The following COLEC12 variants were observed in gnomAD, a reference collection of about 807,000 sequenced individuals.
COLEC12 encodes collectin-12.
COLEC12 carries 33 observed loss-of-function variants against 71.1 expected under a neutral mutation model. That is an observed-to-expected ratio of 0.46 (90% CI 0.35 to 0.62). The LOEUF (loss-of-function observed/expected upper bound fraction) is 0.62, where lower values mean the gene tolerates loss of function less well. COLEC12 is among the 20% of genes least tolerant of loss of function. The pLI is 0.00. For missense variants in COLEC12, 765 were observed against 916.1 expected (o/e 0.84, Z 2.13); for synonymous variants, 350 against 353.0 (o/e 0.99, Z 0.10).
intron 2 of COLEC12, chr18:424,061 TAG>T (rs1275267300): frequency 6.6e-6 from 1 of 152,194 alleles, no homozygotes; most frequent in Non-Finnish European, 1.5e-5. Context: ...CAGCATCTTT[TAG>T]AGAGAGAAAA....
chr18:441,035 C>T (rs908754407), intron 2 of COLEC12, among the ~76,000 whole-genome samples: 47 of 150,730 alleles, frequency 3.1e-4, no homozygotes, highest in Admixed American at 1.5e-3. Flanking sequence ...GATCACAAGG[C>T]CAGGAGATGG....
intron 2 of COLEC12, among the ~76,000 whole-genome samples, chr18:380,814 C>T (rs150530666): frequency 6.6e-6 from 1 of 152,250 alleles, no homozygotes; most frequent in African/African-American, 2.4e-5. Flanking sequence ...CCTCAGCTTT[C>T]AACTCAGGCA....
rs1382485743 is a variant in COLEC12, at chr18:441,119, G to A, written c.58+39588C>T. ...AAAAATTGGCCAGGCGTGGTGGCGG[G>A]CGCCTGTAGTCCCAGCTGCTGGGGA... On this transcript the variant is annotated intron_variant, in intron 2 of 9. Coordinates refer to ENST00000400256, the MANE Select transcript of COLEC12 (RefSeq NM_130386.3). Among the ~76,000 whole-genome samples the A allele has an allele frequency of 5.0e-5, 3 of 60,500 alleles. 1 individual carries two copies. The highest frequency in any genetic ancestry group is 1.4e-4 in the African/African-American group (3 of 21,590). 39.7% of individuals were successfully genotyped at this position (60,500 alleles called of 152,430 possible).
intron 2 of COLEC12, among the ~76,000 whole-genome samples, chr18:438,285 G>A (rs895024423): frequency 6.6e-5 from 10 of 152,050 alleles, no homozygotes; most frequent in South Asian, 2.1e-4. Context: ...TCTTATCTTC[G>A]AAGTTGACAG....
chr18:411,676 G>A (rs910870446), intron 2 of COLEC12, among the ~76,000 whole-genome samples: 6 of 152,214 alleles, frequency 3.9e-5, no homozygotes, highest in African/African-American at 1.4e-4. Context: ...AAACCAAGAT[G>A]GGTGGATCGC....
intron 2 of COLEC12, among the ~76,000 whole-genome samples, chr18:358,500 A>G (rs1372868424): frequency 6.6e-6 from 1 of 152,196 alleles, no homozygotes; most frequent in Non-Finnish European, 1.5e-5. Context: ...GGAGCGCACA[A>G]CCTAGATCCC....
chr18:383,027 C>T (rs994769073), intron 2 of COLEC12, among the ~76,000 whole-genome samples: 31 of 152,096 alleles, frequency 2.0e-4, no homozygotes, highest in African/African-American at 7.2e-4. Flanking sequence ...GCCTGCACCT[C>T]CATGCTGTCC....
intron 2 of COLEC12, among the ~76,000 whole-genome samples, chr18:376,944 A>G (rs1915127217): frequency 6.6e-6 from 1 of 152,240 alleles, no homozygotes; most frequent in Non-Finnish European, 1.5e-5. Context: ...AATGTAAAGT[A>G]CGAGCTCTTG....
rs1425783120 is a variant in COLEC12 at position 347,019 on chromosome 18, C to T, written c.603G>A (p.Val201=). 2 of 1,614,144 alleles carry T rather than the reference C, an allele frequency of 1.2e-6. No homozygotes were observed. Among genetic ancestry groups the T allele is most frequent in the African/African-American group, 1.3e-5 (1 of 75,042 alleles). ...TCAGGTTGTTGAGGTTCATGATGAC[C>T]ACATTATGAGAATACATTTGGTTCT... ...NLQNQMYSHN[V]VIMNLNNLNL... The change falls in exon 5 of 10, where the codon GTG becomes GTA. Residue 201 remains valine (V), a synonymous_variant. Coordinates refer to ENST00000400256, the MANE Select transcript of COLEC12 (RefSeq NM_130386.3).
chr18:350,591 G>A (rs1445331185), intron 3 of COLEC12, among the ~76,000 whole-genome samples: 1 of 152,060 alleles, frequency 6.6e-6, no homozygotes, highest in Non-Finnish European at 1.5e-5. Context: ...CTAGCAGCTT[G>A]GGATCAAGTC....
At chr18:335,803 C>T (rs1220538780) in intron 5 of COLEC12, among the ~76,000 whole-genome samples, 1 of 152,178 alleles carries the variant, frequency 6.6e-6, no homozygotes, top group African/African-American at 2.4e-5. Flanking sequence ...TAAGCTCACC[C>T]TTCTTCTTCA....
rs149346230 is a variant in COLEC12, at chr18:333,336, C to T, written c.1817-193G>A. 4.9e-4 allele frequency: 245 copies of T among 502,304 alleles called. 1 individual carries two copies. Among genetic ancestry groups the T allele is most frequent in the African/African-American group, 4.5e-3 (234 of 51,462 alleles). The allele number at this position is 502,304 out of a possible 1,614,324, so 31.1% of individuals were successfully genotyped here. ...CCCAAAGTGGACTGCAGAGCACAAGCCAAAACCACATAATCTGGAAAAGAT... is the reference window on the plus strand; with the variant it reads ...CCCAAAGTGGACTGCAGAGCACAAGTCAAAACCACATAATCTGGAAAAGAT... On this transcript the variant is annotated intron_variant, in intron 6 of 9. Coordinates refer to ENST00000400256, the MANE Select transcript of COLEC12 (RefSeq NM_130386.3).
chr18:386,507 C>T (rs140826564), intron 2 of COLEC12, among the ~76,000 whole-genome samples: 2 of 152,300 alleles, frequency 1.3e-5, no homozygotes, highest in East Asian at 3.9e-4. Context: ...CAGGTGATTC[C>T]TATGTCCATT....
At chr18:320,612 T>A (rs971240916) in intron 9 of COLEC12, among the ~76,000 whole-genome samples, 1 of 152,264 alleles carries the variant, frequency 6.6e-6, no homozygotes, top group African/African-American at 2.4e-5. Flanking sequence ...ACAAATTGTA[T>A]AATTCACCCA....
chr18:486,677 C>T lies in COLEC12; in HGVS notation c.8-5920G>A, dbSNP rs116141592. ...TGAAACTGAAGCCTGTGCTAGCAGC[C>T]GGGAAAGCTAAGAGGCAATGATTGA... On this transcript the variant is annotated intron_variant, in intron 1 of 9. Transcript: ENST00000400256. Among the ~76,000 whole-genome samples, 1,180 of 152,110 alleles carry T rather than the reference C, an allele frequency of 7.8e-3. 19 individuals are homozygous for T. The highest frequency in any genetic ancestry group is 0.028 in the African/African-American group (1,143 of 41,472).
chr18:347,372 G>T (rs761860825), intron 4 of COLEC12, 31 bp from the exon 5 acceptor site: 2 of 1,573,696 alleles, frequency 1.3e-6, no homozygotes, highest in South Asian at 2.3e-5. Flanking sequence ...GACTTATATT[G>T]GTGGTATGGA....
At chr18:332,504 T>C (rs1396553334) in intron 7 of COLEC12, among the ~76,000 whole-genome samples, 5 of 152,212 alleles carry the variant, frequency 3.3e-5, no homozygotes, top group African/African-American at 1.2e-4. Context: ...ACCTATGTTC[T>C]AGGGTTGCTG....
intron 2 of COLEC12, among the ~76,000 whole-genome samples, chr18:451,502 C>A (rs972525650): frequency 2.0e-5 from 3 of 152,266 alleles, no homozygotes; most frequent in African/African-American, 7.2e-5. Flanking sequence ...AATCCCAGCA[C>A]TTTGGGAGGC....
intron 2 of COLEC12, among the ~76,000 whole-genome samples, chr18:455,279 T>C (rs1219799015): frequency 2.2e-5 from 2 of 92,998 alleles, no homozygotes; most frequent in African/African-American, 1.2e-4. Flanking sequence ...TATTTTACGC[T>C]TTTTTTTTTT....
Sources: allele counts gnomAD v4.1 joint callset (sites outside exome capture counted in the v4.1 genomes callset), GRCh38; gene constraint gnomAD v4.1.1; transcripts MANE v1.5; gene names NCBI Gene and HGNC (gene_info 2026-07-23, HGNC 2026-07-21).